Variants in GABRB3 observed in about 807,000 individuals in gnomAD.
GABRB3 encodes the protein gamma-aminobutyric acid receptor subunit beta-3.
In GABRB3, 14 loss-of-function variants were observed where a neutral mutation model predicts 52.1. The observed-to-expected ratio is 0.27, with a 90% CI of 0.18 to 0.42. The LOEUF is 0.42. GABRB3 is among the 10% of genes least tolerant of loss of function. The probability of loss-of-function intolerance (pLI) is 1.00; values close to 1 mark genes in which losing one functional copy is unlikely to be tolerated. For synonymous variants in GABRB3, 260 were observed against 232.3 expected (o/e 1.12, Z -1.08); for missense variants, 307 against 609.1 (o/e 0.50, Z 5.22).
intron 6 of GABRB3, among the ~76,000 whole-genome samples, chr15:26,573,982 T>C (rs889497010): frequency 6.6e-6 from 1 of 152,136 alleles, no homozygotes; most frequent in Non-Finnish European, 1.5e-5. Flanking sequence ...GCCCAGGAGA[T>C]TGAGGCTGCA....
chr15:26,633,385 T>C (rs2140561402), intron 3 of GABRB3, among the ~76,000 whole-genome samples: 1 of 152,180 alleles, frequency 6.6e-6, no homozygotes, highest in Middle Eastern at 3.4e-3. Flanking sequence ...CCACCCACTC[T>C]CTCTTCCCTG....
intron 6 of GABRB3, among the ~76,000 whole-genome samples, chr15:26,579,633 T>C (rs1432254811): frequency 6.6e-6 from 1 of 152,204 alleles, no homozygotes; most frequent in African/African-American, 2.4e-5. Flanking sequence ...AGCACTTTCA[T>C]TTATTATACC....
chr15:26,695,259 C>G (rs1026905885), intron 3 of GABRB3, among the ~76,000 whole-genome samples: 1 of 151,924 alleles, frequency 6.6e-6, no homozygotes, highest in African/African-American at 2.4e-5. Flanking sequence ...AGAAGATCTT[C>G]AAGAAAGTCA....
chr15:26,643,776 C>T (rs1595504995), intron 3 of GABRB3, among the ~76,000 whole-genome samples: 1 of 152,238 alleles, frequency 6.6e-6, no homozygotes, highest in East Asian at 1.9e-4. Flanking sequence ...ACTGGTGACC[C>T]ACCACCTGCC....
intron 3 of GABRB3, among the ~76,000 whole-genome samples, chr15:26,702,192 A>C (rs28882507): frequency 0.023 from 3,491 of 152,322 alleles, 135 homozygotes; most frequent in African/African-American, 0.08. Context: ...GAAAGGATTT[A>C]TTTGATTCAA....
chr15:26,754,454 G>A (rs1363203070), intron 3 of GABRB3, among the ~76,000 whole-genome samples: 2 of 152,148 alleles, frequency 1.3e-5, no homozygotes, highest in Non-Finnish European at 2.9e-5. Flanking sequence ...AAGAATTAGG[G>A]TAGGGAGGAA....
rs148283520 is a variant in GABRB3 at position 26,576,230 on chromosome 15, T to C, written c.682+4089A>G. ...GCGCTTTGCTCACGTTTTCACAGCT[T>C]GTAACTGTTACAGCCAACGGCTCAA... On this transcript the variant is annotated intron_variant, in intron 6 of 8. Coordinates refer to ENST00000311550, the MANE Select transcript of GABRB3 (RefSeq NM_000814.6). Among the ~76,000 whole-genome samples, 22 of 152,360 alleles carry C rather than the reference T, an allele frequency of 1.4e-4. No homozygotes were observed. In the East Asian group the frequency reaches 4.2e-3, roughly 29 times the overall value.
At chr15:26,601,745 C>CA (rs1455844386) in intron 4 of GABRB3, among the ~76,000 whole-genome samples, 1 of 151,702 alleles carries the variant, frequency 6.6e-6, no homozygotes, top group East Asian at 1.9e-4. Context: ...AACCTCAAAT[C>CA]AAAAAATGTA....
chr15:26,564,361 A>G (rs1190873064), intron 7 of GABRB3, among the ~76,000 whole-genome samples: 1 of 152,180 alleles, frequency 6.6e-6, no homozygotes, highest in Non-Finnish European at 1.5e-5. Context: ...AGTTCAATGT[A>G]TCTGATGGTC....
chr15:26,680,662 AGTG>A (rs1437556767), intron 3 of GABRB3, among the ~76,000 whole-genome samples: 1 of 152,242 alleles, frequency 6.6e-6, no homozygotes, highest in Non-Finnish European at 1.5e-5. Context: ...GATTGACTGC[AGTG>A]TTAATCATTT....
chr15:26,609,362 T>C (rs1186180437), intron 4 of GABRB3, among the ~76,000 whole-genome samples: 1 of 152,142 alleles, frequency 6.6e-6, no homozygotes, highest in African/African-American at 2.4e-5. Context: ...TATCAAATGG[T>C]AATCTGTAAG....
intron 3 of GABRB3, among the ~76,000 whole-genome samples, chr15:26,641,052 G>A (rs1893186475): frequency 6.6e-6 from 1 of 152,160 alleles, no homozygotes; most frequent in Non-Finnish European, 1.5e-5. Flanking sequence ...GCTGTCTCCT[G>A]CTATGCCCTG....
At chr15:26,666,339 T>A (rs1373323716) in intron 3 of GABRB3, 1 of 152,194 alleles carries the variant, frequency 6.6e-6, no homozygotes, top group African/African-American at 2.4e-5. Context: ...ATTTTTATTG[T>A]GACTCTTTCT....
chr15:26,693,049 T>A (rs1342115823), intron 3 of GABRB3, among the ~76,000 whole-genome samples: 1 of 152,190 alleles, frequency 6.6e-6, no homozygotes, highest in Non-Finnish European at 1.5e-5. Context: ...TCTCTCCCGC[T>A]CCCAGGCTCA....
intron 3 of GABRB3, among the ~76,000 whole-genome samples, chr15:26,736,755 C>A (rs1227003246): frequency 1.1e-4 from 16 of 152,200 alleles, no homozygotes; most frequent in Non-Finnish European, 1.0e-4. Context: ...AATGTGGGTT[C>A]TTGTGAGGAT....
chr15:26,673,554 G>A (rs1272619680), intron 3 of GABRB3, among the ~76,000 whole-genome samples: 1 of 152,200 alleles, frequency 6.6e-6, no homozygotes, highest in East Asian at 1.9e-4. Context: ...TGACACTGAT[G>A]ATACGAATTA....
chr15:26,767,678 A>G (rs1168981050), intron 3 of GABRB3, among the ~76,000 whole-genome samples: 1 of 152,110 alleles, frequency 6.6e-6, no homozygotes, highest in Admixed American at 6.6e-5. Flanking sequence ...CTGGCCAGGG[A>G]CTAGATGCAC....
At chr15:26,599,276 A>G (rs1242616911) in intron 4 of GABRB3, among the ~76,000 whole-genome samples, 1 of 152,152 alleles carries the variant, frequency 6.6e-6, no homozygotes, top group Non-Finnish European at 1.5e-5. Context: ...AAGGGGCTAG[A>G]CCTTTCCATC....
At position 26,672,147 on chromosome 15, in the gene GABRB3, C is replaced by T. The variant is rs891676528; in HGVS notation, c.241-50613G>A. Among the ~76,000 whole-genome samples, 6 of 152,060 alleles carry T rather than the reference C, an allele frequency of 3.9e-5. No homozygotes were observed. The South Asian group carries it at 6.2e-4, about 16-fold the overall frequency. On this transcript the variant is annotated intron_variant, in intron 3 of 8. Coordinates refer to ENST00000311550, the MANE Select transcript of GABRB3 (RefSeq NM_000814.6). ...TTACAAACTGTTGGAAGGTCCAGAA[C>T]GTGCCACAGTGACATAGGATTATTT...
Sources: allele counts gnomAD v4.1 joint callset (sites outside exome capture counted in the v4.1 genomes callset), GRCh38; gene constraint gnomAD v4.1.1; transcripts MANE v1.5; gene names NCBI Gene and HGNC (gene_info 2026-07-23, HGNC 2026-07-21).